ARHGEF10: variants seen among roughly 807,000 people sequenced by gnomAD.
ARHGEF10 encodes Rho guanine nucleotide exchange factor 10, also known as Rho guanine nucleotide exchange factor (GEF) 10.
A neutral mutation model predicts 147.4 loss-of-function variants in ARHGEF10; 140 were observed. That is an observed-to-expected ratio of 0.95 (90% CI 0.83 to 1.09). The LOEUF (loss-of-function observed/expected upper bound fraction) is 1.09. Ranked by LOEUF, ARHGEF10 falls within the 50% of genes least tolerant of loss-of-function variation. ARHGEF10 has a pLI of 0.00. For synonymous variants in ARHGEF10, 902 were observed against 695.8 expected (o/e 1.30, Z -4.67); for missense variants, 2,222 against 1,752.7 (o/e 1.27, Z -4.78).
At chr8:1,850,449 G>T (rs888358513) in intron 2 of ARHGEF10, among the ~76,000 whole-genome samples, 2 of 151,192 alleles carry the variant, frequency 1.3e-5, no homozygotes, top group African/African-American at 2.4e-5. Context: ...GCTGAGGAGG[G>T]TGTGGGGCAA....
At chr8:1,864,461 C>A (rs1386338125) in intron 5 of ARHGEF10, 25 bp downstream of exon 5, 3 of 1,607,494 alleles carry the variant, frequency 1.9e-6, no homozygotes, top group Non-Finnish European at 2.6e-6. Context: ...CTTCCCACAC[C>A]TGCTGAATTC....
intron 17 of ARHGEF10, among the ~76,000 whole-genome samples, chr8:1,906,127 A>T (rs1399910604): frequency 6.6e-6 from 1 of 152,252 alleles, no homozygotes; most frequent in Non-Finnish European, 1.5e-5. Flanking sequence ...GTAAACCAAG[A>T]AAATGAGTTA....
chr8:1,926,687 T>C, intron 23 of ARHGEF10: 1 of 598,802 alleles, frequency 1.7e-6, no homozygotes, highest in South Asian at 1.9e-5. Flanking sequence ...CCTTTTCATC[T>C]AAAACATTTA....
chr8:1,885,805 C>G (rs1034194583), intron 11 of ARHGEF10, 98 bp downstream of exon 11: 3 of 992,404 alleles, frequency 3.0e-6, no homozygotes, highest in Non-Finnish European at 4.7e-6. Flanking sequence ...TATTTGCTGT[C>G]TCAAACTCTG....
At chr8:1,905,313 AAAATTAC>A (rs1386361458) in intron 16 of ARHGEF10, among the ~76,000 whole-genome samples, 1 of 152,230 alleles carries the variant, frequency 6.6e-6, no homozygotes, top group African/African-American at 2.4e-5. Context: ...GGGGAAAAGT[AAAATTAC>A]AAAACAATTC....
chr8:1,894,525 T>A lies in ARHGEF10; in HGVS notation c.1393T>A (p.Ser465Thr), dbSNP rs199763780. Residue 465 changes from serine to threonine, a missense_variant, in exon 13 of 29, where the codon TCC becomes ACC. Ser to Thr is a moderately conservative substitution (Grantham distance 58). Transcript: ENST00000349830. ...LFQIALASRV[S>T]EWDSVEMIGD... is the part of the protein sequence containing the mutation. ...TCAGATCGCGCTGGCCAGCCGCGTTTCCGAGTGGGACTCCGTGGAAATGAT... is the reference window on the plus strand; with the variant it reads ...TCAGATCGCGCTGGCCAGCCGCGTTACCGAGTGGGACTCCGTGGAAATGAT... 20 of 1,614,194 alleles carry A rather than the reference T, an allele frequency of 1.2e-5. No homozygotes were observed. In the East Asian group the frequency reaches 4.5e-4, roughly 36 times the overall value.
intron 1 of ARHGEF10, among the ~76,000 whole-genome samples, chr8:1,842,150 C>T (rs1804144303): frequency 6.6e-6 from 1 of 151,714 alleles, no homozygotes. Context: ...GTGGCAGGCA[C>T]CTGAGCAAGT....
At position 1,925,548 on chromosome 8, in the gene ARHGEF10, T is replaced by G. The variant is rs540562191; in HGVS notation, c.2610+144T>G. On this transcript the variant is annotated intron_variant, in intron 22 of 28. Coordinates refer to ENST00000349830, the MANE Select transcript of ARHGEF10 (RefSeq NM_014629.4). ...AGTGACCGCTTCTCTAGAGGTCATTTATCTGGAAATAAGACTGCTGTTGAT... is the reference window on the plus strand; with the variant it reads ...AGTGACCGCTTCTCTAGAGGTCATTGATCTGGAAATAAGACTGCTGTTGAT... The G allele has an allele frequency of 1.2e-5, 14 of 1,185,768 alleles. No individual in the cohort carries two copies. In the East Asian group the frequency reaches 2.1e-4, roughly 17 times the overall value. 73.5% of individuals were successfully genotyped at this position (1,185,768 alleles called of 1,614,324 possible). A position where few individuals can be genotyped will look rare whatever the true frequency, so the allele number is the denominator to read the frequency against.
intron 9 of ARHGEF10, 88 bp from the exon 10 acceptor site, chr8:1,882,547 C>G (rs1585379635): frequency 9.1e-7 from 1 of 1,095,862 alleles, no homozygotes; most frequent in Non-Finnish European, 1.4e-6. Context: ...AACCAGACTA[C>G]TTGACAGTAT....
At position 1,928,420 on chromosome 8, in the gene ARHGEF10, G is replaced by C; in HGVS notation, c.2698-7G>C. On this transcript the variant is annotated splice_polypyrimidine_tract_variant and splice_region_variant and intron_variant, in intron 23 of 28. Transcript: ENST00000349830. ...TTTTCTTCTTTCCTCCTAATTCTCT[G>C]ATTCAGATCGGAAGTTGCACCCATC... 6.3e-7 allele frequency: 1 copy of C among 1,593,498 alleles called. No individual in the cohort carries two copies. Among genetic ancestry groups the C allele is most frequent in the Non-Finnish European group, 8.6e-7 (1 of 1,164,572 alleles).
At chr8:1,951,097 T>G (rs1335238108) in intron 27 of ARHGEF10, among the ~76,000 whole-genome samples, 1 of 152,228 alleles carries the variant, frequency 6.6e-6, no homozygotes, top group Non-Finnish European at 1.5e-5. Flanking sequence ...GATGCTGAAC[T>G]CATATGCACA....
At chr8:1,866,422 G>GACAC (rs57422654) in intron 5 of ARHGEF10, 104 bp from the exon 6 acceptor site, 222 of 782,628 alleles carry the variant, frequency 2.8e-4, no homozygotes, top group Admixed American at 7.5e-4. Context: ...TATATATTCT[G>GACAC]ACACACACAC....
Position 1,866,542 on chromosome 8 carries a change from C to T in ARHGEF10, c.562C>T (p.Arg188Ter), listed in dbSNP as rs866229552. ...EPPTSEDQVG[R>*]EDSALARWAA... Reference sequence around the variant, plus strand: ...TTCTTTAAGTGAAGATCAAGTCGGTCGAGAGGACAGCGCACTTGCCCGCTG... The same window carrying T: ...TTCTTTAAGTGAAGATCAAGTCGGTTGAGAGGACAGCGCACTTGCCCGCTG... Residue 188 changes from arginine to a stop codon, truncating the protein, a stop_gained, in exon 6 of 29, where the codon CGA becomes TGA. Transcript: ENST00000349830. LOFTEE classifies it high-confidence loss of function. 3 of 1,610,742 alleles carry T rather than the reference C, an allele frequency of 1.9e-6. No individual in the cohort carries two copies. Among genetic ancestry groups the T allele is most frequent in the Admixed American group, 1.7e-5 (1 of 59,986 alleles).
Position 1,948,347 on chromosome 8 carries a change from G to A in ARHGEF10, c.3397+2692G>A, listed in dbSNP as rs1814759847. On this transcript the variant is annotated intron_variant, in intron 27 of 28. Transcript: ENST00000349830. The surrounding 1 kb of genome is among the most constrained non-coding windows in gnomAD (Gnocchi z 4.9). ...GTCTGCATTTTAGACCCGCATGAAA[G>A]CAAACACATGAGTCTGTCCAGATGG... Among the ~76,000 whole-genome samples the A allele has an allele frequency of 6.6e-6, 1 of 152,220 alleles. No homozygotes were observed. Among genetic ancestry groups the A allele is most frequent in the Non-Finnish European group, 1.5e-5 (1 of 68,042 alleles).
At chr8:1,852,039 G>A (rs1260862291) in intron 2 of ARHGEF10, among the ~76,000 whole-genome samples, 1 of 152,124 alleles carries the variant, frequency 6.6e-6, no homozygotes, top group Non-Finnish European at 1.5e-5. Flanking sequence ...GCCGTTAGCC[G>A]TCTTGATAGC....
Position 1,880,031 on chromosome 8 carries a change from G to A in ARHGEF10, c.844-17G>A, listed in dbSNP as rs761535674. On this transcript the variant is annotated splice_polypyrimidine_tract_variant and intron_variant, in intron 8 of 28. Transcript: ENST00000349830. ...AAGAGCCTTTTTGTGAAAAGACTGT[G>A]TCTCTTTATGCTGTAGCTTTCTCAT... 5.8e-6 allele frequency: 9 copies of A among 1,547,982 alleles called. No individual in the cohort carries two copies. The highest frequency in any genetic ancestry group is 8.0e-6 in the Non-Finnish European group (9 of 1,119,816).
At chr8:1,859,820 C>A in intron 3 of ARHGEF10, 77 bp from the exon 4 acceptor site, 1 of 1,566,074 alleles carries the variant, frequency 6.4e-7, no homozygotes, top group Non-Finnish European at 8.7e-7. Flanking sequence ...TACCTGCTTC[C>A]CACTTGCGCT....
intron 27 of ARHGEF10, among the ~76,000 whole-genome samples, chr8:1,949,725 G>A (rs1195261521): frequency 2.0e-5 from 3 of 151,788 alleles, no homozygotes; most frequent in Non-Finnish European, 4.4e-5. Flanking sequence ...ACACCGTAAG[G>A]GAATTCAGTA....
At chr8:1,834,300 C>G (rs903860716) in intron 1 of ARHGEF10, among the ~76,000 whole-genome samples, 1 of 152,230 alleles carries the variant, frequency 6.6e-6, no homozygotes, top group Non-Finnish European at 1.5e-5. Context: ...ATTTGCTTCT[C>G]TTTTCACTGT....
Sources: gnomAD v4.1 joint callset for allele counts (sites outside exome capture counted in the v4.1 genomes callset) on GRCh38, gnomAD v4.1.1 for gene constraint, Gnocchi (gnomAD v3.1) non-coding constraint, MANE v1.5 for transcripts, NCBI Gene and HGNC (gene_info 2026-07-23, HGNC 2026-07-21) for gene names.